Variants in TMCO5A observed in about 807,000 individuals in gnomAD.
TMCO5A encodes the protein transmembrane and coiled-coil domains 5A.
Under a neutral mutation model 42.3 loss-of-function variants are expected in TMCO5A, and 34 were observed. That is an observed-to-expected ratio of 0.80 (90% CI 0.61 to 1.07). TMCO5A has a LOEUF of 1.07. TMCO5A is among the 50% of genes least tolerant of loss of function. TMCO5A has a pLI of 0.00. For missense variants in TMCO5A, 357 were observed against 327.9 expected, an observed-to-expected ratio of 1.09 and a Z score of -0.69; for synonymous variants, 131 against 115.6, an observed-to-expected ratio of 1.13 and a Z score of -0.86.
the TMCO5A span, among the ~76,000 whole-genome samples, chr15:38,035,983 A>G: frequency 2.0e-5 from 3 of 152,110 alleles, no homozygotes; most frequent in Non-Finnish European, 4.4e-5. Context: ...CTAAACTTCT[A>G]TCTTCTCCTG....
chr15:38,000,564 A>T, the TMCO5A span, among the ~76,000 whole-genome samples: 1 of 151,430 alleles, frequency 6.6e-6, no homozygotes, highest in Non-Finnish European at 1.5e-5. Flanking sequence ...TTTGAATTTG[A>T]TTTGCTCTTG....
the TMCO5A span, among the ~76,000 whole-genome samples, chr15:37,984,450 C>A: frequency 6.6e-6 from 1 of 152,112 alleles, no homozygotes. Context: ...TTCTAAACAG[C>A]GCTGCAACAT....
At chr15:37,958,195 C>T (rs1890339345) in intron 11 of TMCO5A, among the ~76,000 whole-genome samples, 1 of 152,062 alleles carries the variant, frequency 6.6e-6, no homozygotes, top group African/African-American at 2.4e-5. Flanking sequence ...TACTTCATGA[C>T]TAAAACACCA....
In TMCO5A at chr15:37,951,141, G is replaced by A; in HGVS notation, c.774G>A (p.Leu258=). The part of the protein sequence containing the change: ...FINPDLLVNV[L]PKVLGRSTLW... ...ATCCAGATCTCCTCGTCAATGTACT[G>A]CCCAAGGTACTGGGCAGGAGCACCT... is the stretch of plus-strand genomic sequence containing the variant. Residue 258 remains leucine, a synonymous_variant, in exon 12 of 12, where the codon CTG becomes CTA. Coordinates refer to ENST00000319669, the MANE Select transcript of TMCO5A (RefSeq NM_152453.4). 3 of 1,613,676 alleles carry A rather than the reference G, an allele frequency of 1.9e-6. No individual in the cohort carries two copies. Among genetic ancestry groups the A allele is most frequent in the Non-Finnish European group, 1.7e-6 (2 of 1,179,858 alleles).
chr15:37,935,583 T>G (rs1889481887), intron 2 of TMCO5A, among the ~76,000 whole-genome samples: 1 of 152,152 alleles, frequency 6.6e-6, no homozygotes, highest in East Asian at 1.9e-4. Context: ...GTTAATCAAC[T>G]GAAACACAAA....
chr15:37,984,681 C>CTTTTTTTTT, the TMCO5A span: 31 of 41,876 alleles, frequency 7.4e-4, 2 homozygotes, highest in African/African-American at 1.6e-3. Context: ...GAACATTTGT[C>CTTTTTTTTT]TTTTTTTTTT....
At chr15:38,028,541 CA>C in the TMCO5A span, among the ~76,000 whole-genome samples, 1 of 152,272 alleles carries the variant, frequency 6.6e-6, no homozygotes, top group African/African-American at 2.4e-5. Flanking sequence ...CTACCTGTGC[CA>C]ACTCGCTTTT....
exon 12 of TMCO5A, chr15:37,966,863 G>C: frequency 1.7e-6 from 1 of 587,324 alleles, no homozygotes; most frequent in South Asian, 2.2e-5. Flanking sequence ...CCCTTACTAA[G>C]GATTAAGAGC....
the TMCO5A span, among the ~76,000 whole-genome samples, chr15:37,992,687 T>C: frequency 1.3e-5 from 2 of 152,238 alleles, no homozygotes; most frequent in African/African-American, 4.8e-5. Context: ...CTAGATCATG[T>C]TCTTTGAAGG....
the TMCO5A span, among the ~76,000 whole-genome samples, chr15:38,034,874 T>C: frequency 0.015 from 2,277 of 152,108 alleles, 47 homozygotes; most frequent in African/African-American, 0.052. Context: ...ATAATGAGGA[T>C]CTTATGGGAC....
At chr15:37,972,038 G>C (rs552870161), downstream of TMCO5A, among the ~76,000 whole-genome samples, 2 of 152,066 alleles carry the variant, frequency 1.3e-5, no homozygotes, top group African/African-American at 2.4e-5. Context: ...CCACTCTACT[G>C]GTACCAATTT....
the TMCO5A span, among the ~76,000 whole-genome samples, chr15:37,988,442 C>G: frequency 3.3e-5 from 5 of 151,926 alleles, no homozygotes; most frequent in East Asian, 9.6e-4. Context: ...AGAGGAAAAG[C>G]TTTTAGTCTT....
At chr15:37,961,636 T>C (rs1302290701) in intron 11 of TMCO5A, among the ~76,000 whole-genome samples, 2 of 152,138 alleles carry the variant, frequency 1.3e-5, no homozygotes, top group Non-Finnish European at 2.9e-5. Flanking sequence ...CAGTATGTCA[T>C]TTTCACAATA....
chr15:38,039,427 A>C, the TMCO5A span, among the ~76,000 whole-genome samples: 9 of 152,220 alleles, frequency 5.9e-5, no homozygotes, highest in East Asian at 1.7e-3. Flanking sequence ...TCAGTCCCAT[A>C]GTCCCTAATA....
the TMCO5A span, among the ~76,000 whole-genome samples, chr15:38,033,021 G>A: frequency 4.7e-5 from 7 of 149,920 alleles, no homozygotes; most frequent in South Asian, 2.1e-4. Flanking sequence ...TCCACCTCCC[G>A]GGTTCACGCC....
Position 37,941,680 on chromosome 15 carries a change from G to A in TMCO5A, c.454G>A (p.Glu152Lys). The change falls in exon 8 of 12, where the codon GAG becomes AAG. Residue 152 changes from glutamate (E) to lysine (K), a missense_variant. Coordinates refer to ENST00000319669, the MANE Select transcript of TMCO5A (RefSeq NM_152453.4). Reference protein sequence around the residue: ...QEKELLKVMKEYAFVTQLCED... With the variant: ...QEKELLKVMKKYAFVTQLCED... ...AATTTTGATTTCCTAGGTAATGAAGGAGTATGCATTTGTGACCCAGCTCTG... is the reference window on the plus strand; with the variant it reads ...AATTTTGATTTCCTAGGTAATGAAGAAGTATGCATTTGTGACCCAGCTCTG... The A allele has an allele frequency of 6.2e-7, 1 of 1,610,066 alleles. No homozygotes were observed. The highest frequency in any genetic ancestry group is 1.7e-4 in the Middle Eastern group (1 of 6,042).
downstream of TMCO5A, among the ~76,000 whole-genome samples, chr15:37,972,633 T>C: frequency 6.6e-6 from 1 of 152,136 alleles, no homozygotes; most frequent in Non-Finnish European, 1.5e-5. Flanking sequence ...AATGGGGTTG[T>C]TTTTTTCTTG....
At chr15:38,015,048 G>A in the TMCO5A span, among the ~76,000 whole-genome samples, 4 of 151,546 alleles carry the variant, frequency 2.6e-5, no homozygotes, top group African/African-American at 9.7e-5. Flanking sequence ...TGAGAAAGAT[G>A]TAGACTGCGA....
the TMCO5A span, among the ~76,000 whole-genome samples, chr15:38,029,055 T>A: frequency 3.3e-5 from 5 of 152,060 alleles, no homozygotes; most frequent in Non-Finnish European, 7.4e-5. Context: ...AGAAAATAAT[T>A]TTAGCAGTTT....
Sources: gnomAD v4.1 joint callset for allele counts (sites outside exome capture counted in the v4.1 genomes callset) on GRCh38, gnomAD v4.1.1 for gene constraint, MANE v1.5 for transcripts, NCBI Gene and HGNC (gene_info 2026-07-23, HGNC 2026-07-21) for gene names.